The following PTPRZ1 variants were observed in gnomAD, a reference collection of about 807,000 sequenced individuals.
PTPRZ1 encodes protein tyrosine phosphatase receptor type Z1, also known as receptor-type tyrosine-protein phosphatase zeta.
A neutral mutation model predicts 214.1 loss-of-function variants in PTPRZ1; 82 were observed. That is an observed-to-expected ratio of 0.38 (90% CI 0.32 to 0.46). The LOEUF (loss-of-function observed/expected upper bound fraction) is 0.46, where lower values mean the gene tolerates loss of function less well. PTPRZ1 is among the 20% of genes least tolerant of loss of function. PTPRZ1 has a pLI of 1.00. For synonymous variants in PTPRZ1, 945 were observed against 987.9 expected, an observed-to-expected ratio of 0.96 and a Z score of 0.81; for missense variants, 2,603 against 2,748.7, an observed-to-expected ratio of 0.95 and a Z score of 1.19.
intron 2 of PTPRZ1, among the ~76,000 whole-genome samples, chr7:121,945,793 T>A (rs1796353422): frequency 6.6e-6 from 1 of 152,200 alleles, no homozygotes; most frequent in African/African-American, 2.4e-5. Context: ...CTCTCTCTTT[T>A]TAAAGCCATG....
intron 12 of PTPRZ1, 99 bp from the exon 13 acceptor site, chr7:122,019,025 G>A: frequency 1.7e-6 from 2 of 1,156,230 alleles, no homozygotes; most frequent in South Asian, 1.7e-5. Context: ...AATTTTAAAG[G>A]TAAGTAACAG....
Position 122,019,214 on chromosome 7 carries a change from C to T in PTPRZ1, c.4934C>T (p.Ser1645Leu). 1 of 1,612,526 alleles carries T rather than the reference C, an allele frequency of 6.2e-7. No individual in the cohort carries two copies. The highest frequency in any genetic ancestry group is 8.5e-7 in the Non-Finnish European group (1 of 1,178,628). The stretch of plus-strand genomic sequence containing the variant: ...GCAGTTATACCCCTTGTGATCGTGT[C>T]AGCCCTGACTTTTATCTGTCTAGTG... ...KKAVIPLVIV[S>L]ALTFICLVVL... Residue 1645 changes from serine to leucine, a missense_variant, in exon 13 of 30, where the codon TCA (serine) becomes TTA (leucine). Ser to Leu is a moderately radical substitution (Grantham distance 145). Coordinates refer to ENST00000393386, the MANE Select transcript of PTPRZ1 (RefSeq NM_002851.3).
chr7:121,922,552 G>A (rs904870181), intron 1 of PTPRZ1, among the ~76,000 whole-genome samples: 2 of 152,088 alleles, frequency 1.3e-5, no homozygotes, highest in African/African-American at 2.4e-5. Flanking sequence ...TCCAGCCTGG[G>A]TGACAGAGCG....
At chr7:121,991,014 G>C (rs1369956561) in intron 8 of PTPRZ1, among the ~76,000 whole-genome samples, 2 of 152,082 alleles carry the variant, frequency 1.3e-5, no homozygotes, top group South Asian at 2.1e-4. Context: ...TAAAGCACAG[G>C]GGGGAAAATC....
Position 122,011,728 on chromosome 7 carries a change from T to G in PTPRZ1, c.2682T>G (p.Ser894Arg). The change falls in exon 12 of 30, where the codon AGT becomes AGG. Residue 894 changes from serine (S) to arginine (R), a missense_variant. Ser to Arg is a moderately radical substitution (Grantham distance 110). This residue lies in a region of PTPRZ1 where 1,913 missense variants were observed against 1,914.3 expected (regional missense o/e 1.00). Transcript: ENST00000393386. Reference sequence around the variant, plus strand: ...CTTCAGAGACGCTGGAATTTGGTAGTGAATCTGGTGTTCTTTATAAAACGC... The same window carrying G: ...CTTCAGAGACGCTGGAATTTGGTAGGGAATCTGGTGTTCTTTATAAAACGC... ...HAASETLEFGSESGVLYKTLM... is the reference protein window; with the variant it reads ...HAASETLEFGRESGVLYKTLM... 6.2e-7 allele frequency: 1 copy of G among 1,614,200 alleles called. No homozygotes were observed.
intron 23 of PTPRZ1, among the ~76,000 whole-genome samples, chr7:122,047,429 A>G (rs1792030828): frequency 6.6e-6 from 1 of 152,062 alleles, no homozygotes. Context: ...AGATAATTGG[A>G]GAGTACAGAG....
chr7:121,996,508 A>T lies in PTPRZ1; in HGVS notation c.1055A>T (p.Gln352Leu). Reference sequence around the variant, plus strand: ...GAGAAGTTTGCAGTTTTGTACCAGCAGTTGGATGGAGAGGACCAAACCAAG... The same window carrying T: ...GAGAAGTTTGCAGTTTTGTACCAGCTGTTGGATGGAGAGGACCAAACCAAG... The part of the protein sequence containing the change: ...MIEKFAVLYQ[Q>L]LDGEDQTKHE... Residue 352 changes from glutamine to leucine, a missense_variant, in exon 9 of 30, where the codon CAG (glutamine) becomes CTG (leucine). By Grantham distance (113) the Gln-to-Leu change is moderately radical (BLOSUM62 -2). This residue lies in a region of PTPRZ1 where 244 missense variants were observed against 333.2 expected (regional missense o/e 0.73). Transcript: ENST00000393386. The T allele has an allele frequency of 1.2e-6, 2 of 1,613,132 alleles. No individual in the cohort carries two copies. Among genetic ancestry groups the T allele is most frequent in the Non-Finnish European group, 1.7e-6 (2 of 1,179,456 alleles).
chr7:121,965,937 C>A, intron 2 of PTPRZ1, among the ~76,000 whole-genome samples: 1 of 152,148 alleles, frequency 6.6e-6, no homozygotes, highest in East Asian at 1.9e-4. Flanking sequence ...GCCTGAATCT[C>A]CCAACAAACT....
intron 8 of PTPRZ1, among the ~76,000 whole-genome samples, chr7:121,989,303 C>T (rs1797868196): frequency 6.6e-6 from 1 of 151,812 alleles, no homozygotes; most frequent in Admixed American, 6.6e-5. Context: ...CTGTTTCCAT[C>T]ACGAGTCTTT....
At chr7:122,018,937 T>C (rs1002280813) in intron 12 of PTPRZ1, among the ~76,000 whole-genome samples, 187 bp from the exon 13 acceptor site, 1 of 152,224 alleles carries the variant, frequency 6.6e-6, no homozygotes. Context: ...TCTTGTCTAA[T>C]AGCCTGCCTT....
chr7:122,011,403 C>A lies in PTPRZ1; in HGVS notation c.2357C>A (p.Ala786Asp), dbSNP rs369218781. The A allele has an allele frequency of 2.1e-4, 333 of 1,614,036 alleles. No homozygotes were observed. Among genetic ancestry groups the A allele is most frequent in the Non-Finnish European group, 2.7e-4 (319 of 1,179,888 alleles). ...AATCAGATCCTCAACACTACCCCTG[C>A]TGCTTCAAGTAGTGATTCGGCCTTG... Reference protein sequence around the residue: ...LDNQILNTTPAASSSDSALHA... With the variant: ...LDNQILNTTPDASSSDSALHA... Residue 786 changes from alanine to aspartate, a missense_variant, in exon 12 of 30, where the codon GCT (alanine) becomes GAT (aspartate). Ala to Asp is a moderately radical substitution (Grantham distance 126). This residue lies in a region of PTPRZ1 where 1,913 missense variants were observed against 1,914.3 expected (regional missense o/e 1.00). Transcript: ENST00000393386.
At chr7:122,024,605 T>G in intron 13 of PTPRZ1, among the ~76,000 whole-genome samples, 1 of 152,246 alleles carries the variant, frequency 6.6e-6, no homozygotes, top group Middle Eastern at 3.4e-3. Flanking sequence ...TAATTTTTTT[T>G]TTTTACTTAC....
chr7:122,059,694 A>G (rs1792504277), intron 28 of PTPRZ1, 59 bp from the exon 29 acceptor site: 1 of 1,539,548 alleles, frequency 6.5e-7, no homozygotes, highest in Non-Finnish European at 8.7e-7. Flanking sequence ...TGTGAGTTCT[A>G]AATGTGAGTG....
intron 23 of PTPRZ1, among the ~76,000 whole-genome samples, chr7:122,050,810 A>C (rs1350892186): frequency 6.6e-6 from 1 of 152,138 alleles, no homozygotes; most frequent in Non-Finnish European, 1.5e-5. Flanking sequence ...CAAAACCATG[A>C]TATACTATTT....
chr7:121,909,896 G>T (rs1449682248), intron 1 of PTPRZ1, among the ~76,000 whole-genome samples: 1 of 152,104 alleles, frequency 6.6e-6, no homozygotes, highest in African/African-American at 2.4e-5. Flanking sequence ...ATGAAGCAGG[G>T]TACAGCTGCT....
At chr7:121,995,208 A>G (rs779151983) in intron 8 of PTPRZ1, among the ~76,000 whole-genome samples, 2 of 152,188 alleles carry the variant, frequency 1.3e-5, no homozygotes, top group African/African-American at 2.4e-5. Flanking sequence ...TTTGGTCACA[A>G]TCGGCGGCAG....
At chr7:122,048,945 A>G (rs929446524) in intron 23 of PTPRZ1, among the ~76,000 whole-genome samples, 11 of 152,172 alleles carry the variant, frequency 7.2e-5, no homozygotes, top group African/African-American at 2.4e-4. Context: ...GCCAGTATCA[A>G]TAATCTTATT....
chr7:121,895,009 T>G (rs1794746088), intron 1 of PTPRZ1, among the ~76,000 whole-genome samples: 1 of 152,234 alleles, frequency 6.6e-6, no homozygotes, highest in Non-Finnish European at 1.5e-5. Context: ...AATCCCTCTC[T>G]TAGAAGAGAA....
chr7:121,995,846 A>G (rs1798116786), intron 8 of PTPRZ1, among the ~76,000 whole-genome samples: 1 of 152,174 alleles, frequency 6.6e-6, no homozygotes, highest in African/African-American at 2.4e-5. Flanking sequence ...CCTGAACTGA[A>G]TATATTTTCA....
Sources: gnomAD v4.1 joint callset for allele counts (sites outside exome capture counted in the v4.1 genomes callset) on GRCh38, gnomAD v4.1.1 for gene constraint, gnomAD v4.1.1 regional missense constraint, MANE v1.5 for transcripts, NCBI Gene and HGNC (gene_info 2026-07-23, HGNC 2026-07-21) for gene names.